The following LRRC4C variants were observed in gnomAD, a reference collection of about 807,000 sequenced individuals.
The protein encoded by LRRC4C is leucine-rich repeat-containing protein 4C.
A neutral mutation model predicts 33.6 loss-of-function variants in LRRC4C; 5 were observed. The observed-to-expected ratio is 0.15, with a 90% CI of 0.08 to 0.31. The LOEUF is 0.31. LRRC4C is among the 10% of genes least tolerant of loss of function. The pLI is 1.00. For missense variants in LRRC4C, 560 were observed against 796.7 expected (o/e 0.70, Z 3.58); for synonymous variants, 329 against 302.0 (o/e 1.09, Z -0.93).
chr11:41,420,874 C>T (rs1179642675), intron 1 of LRRC4C, among the ~76,000 whole-genome samples: 1 of 151,978 alleles, frequency 6.6e-6, no homozygotes, highest in African/African-American at 2.4e-5. Context: ...AATAAATATT[C>T]ACCTTTTTGT....
Position 41,279,980 on chromosome 11 carries a change from T to A in LRRC4C, c.-496+179451A>T, listed in dbSNP as rs147989321. On this transcript the variant is annotated intron_variant, in intron 1 of 6. Transcript: ENST00000528697. ...TTTTCCTGATCTCTCAGTTCAAGGTTGGTTCCTCTGTTTAATGGTGTCGTA... is the reference window on the plus strand; with the variant it reads ...TTTTCCTGATCTCTCAGTTCAAGGTAGGTTCCTCTGTTTAATGGTGTCGTA... Among the ~76,000 whole-genome samples the A allele has an allele frequency of 2.0e-5, 3 of 152,248 alleles. No individual in the cohort carries two copies. In the East Asian group the frequency reaches 5.8e-4, roughly 29 times the overall value.
At chr11:40,883,295 C>T (rs563716408) in intron 2 of LRRC4C, among the ~76,000 whole-genome samples, 5 of 151,984 alleles carry the variant, frequency 3.3e-5, no homozygotes, top group Non-Finnish European at 5.9e-5. Context: ...TGCCTGCCCC[C>T]CTATAGTCAA....
chr11:40,271,763 C>T (rs1942719120), intron 4 of LRRC4C, among the ~76,000 whole-genome samples: 1 of 152,172 alleles, frequency 6.6e-6, no homozygotes, highest in African/African-American at 2.4e-5. Flanking sequence ...CAGGGAAGAA[C>T]TCTTGTGTGG....
At chr11:40,785,697 A>G (rs951293698) in intron 2 of LRRC4C, among the ~76,000 whole-genome samples, 5 of 152,178 alleles carry the variant, frequency 3.3e-5, no homozygotes, top group Non-Finnish European at 7.3e-5. Flanking sequence ...CACAAAAACA[A>G]TACACTTTTA....
chr11:40,399,514 C>T (rs1949676953), intron 3 of LRRC4C, among the ~76,000 whole-genome samples: 4 of 151,574 alleles, frequency 2.6e-5, no homozygotes, highest in Non-Finnish European at 1.5e-5. Context: ...AGGGGAACAT[C>T]ACACTCCGGG....
intron 1 of LRRC4C, among the ~76,000 whole-genome samples, chr11:41,001,614 A>T (rs1473365244): frequency 8.4e-5 from 2 of 23,902 alleles, no homozygotes; most frequent in Non-Finnish European, 1.8e-4. Flanking sequence ...TACATAATTA[A>T]AAAAAAAAAT....
chr11:40,523,186 G>A (rs1230562527), intron 3 of LRRC4C, among the ~76,000 whole-genome samples: 1 of 151,988 alleles, frequency 6.6e-6, no homozygotes, highest in Non-Finnish European at 1.5e-5. Flanking sequence ...CAAATTTCTC[G>A]ACATCCTCAC....
intron 1 of LRRC4C, among the ~76,000 whole-genome samples, chr11:41,106,608 G>A (rs1432897448): frequency 6.6e-6 from 1 of 152,106 alleles, no homozygotes; most frequent in Non-Finnish European, 1.5e-5. Flanking sequence ...TACTGCTTAT[G>A]CTTTCAGTAG....
In LRRC4C at chr11:40,165,242, G is replaced by A. The variant is rs77073498; in HGVS notation, c.-95-24389C>T. 1.7e-3 allele frequency among the ~76,000 whole-genome samples: 253 copies of A among 152,120 alleles called. 1 individual carries two copies. Among genetic ancestry groups the A allele is most frequent in the African/African-American group, 5.8e-3 (239 of 41,512 alleles). Reference sequence around the variant, plus strand: ...TATACACATATATGTATATATATTCGCATGTCTGTATCTATATGTATCCGT... The same window carrying A: ...TATACACATATATGTATATATATTCACATGTCTGTATCTATATGTATCCGT... On this transcript the variant is annotated intron_variant, in intron 5 of 6. Coordinates refer to ENST00000528697, the MANE Select transcript of LRRC4C (RefSeq NM_001258419.2).
rs1242047953 is a variant in LRRC4C at position 41,117,547 on chromosome 11, A to T, written c.-495-183824T>A. ...GTGGAAAAGAGCATTGTTTTGTAAG[A>T]GTGGTGGAATTAAGCATTGATGTCA... On this transcript the variant is annotated intron_variant, in intron 1 of 6. Coordinates refer to ENST00000528697, the MANE Select transcript of LRRC4C (RefSeq NM_001258419.2). 2.0e-5 allele frequency among the ~76,000 whole-genome samples: 3 copies of T among 152,244 alleles called. No homozygotes were observed. The East Asian group carries it at 5.8e-4, about 29-fold the overall frequency.
intron 3 of LRRC4C, among the ~76,000 whole-genome samples, chr11:40,358,420 G>A (rs1947781949): frequency 6.6e-6 from 1 of 151,918 alleles, no homozygotes; most frequent in African/African-American, 2.4e-5. Context: ...AGCTGGGACT[G>A]CAGGTGCATA....
At chr11:40,302,672 T>G (rs1944831680) in intron 4 of LRRC4C, among the ~76,000 whole-genome samples, 2 of 152,244 alleles carry the variant, frequency 1.3e-5, no homozygotes, top group Admixed American at 1.3e-4. Flanking sequence ...CATTTATGTA[T>G]TGAACGAGCA....
intron 5 of LRRC4C, among the ~76,000 whole-genome samples, chr11:40,174,544 G>A (rs990356722): frequency 1.9e-4 from 29 of 152,252 alleles, no homozygotes; most frequent in Middle Eastern, 6.8e-3. Context: ...TACCGTGTGT[G>A]CACCTGTGCA....
intron 5 of LRRC4C, among the ~76,000 whole-genome samples, chr11:40,159,353 G>A (rs1245438349): frequency 3.9e-5 from 6 of 152,118 alleles, no homozygotes; most frequent in African/African-American, 1.2e-4. Flanking sequence ...TACTCAAAGC[G>A]AACTCTCAGC....
rs547339939 is a variant in LRRC4C, at chr11:40,367,853, C to A, written c.-269-48132G>T. 7.2e-5 allele frequency among the ~76,000 whole-genome samples: 11 copies of A among 152,230 alleles called. 1 individual carries two copies. In the South Asian group the frequency reaches 2.3e-3, roughly 32 times the overall value. On this transcript the variant is annotated intron_variant, in intron 3 of 6. Transcript: ENST00000528697. The stretch of plus-strand genomic sequence containing the variant: ...TGTATTTGGTTATTATCTGATCCCT[C>A]ATATGAGGCTATAAGCTTTCTAAAG...
intron 1 of LRRC4C, among the ~76,000 whole-genome samples, chr11:41,266,414 A>T (rs763324706): frequency 6.6e-6 from 1 of 152,236 alleles, no homozygotes; most frequent in African/African-American, 2.4e-5. Context: ...GCTAAAGGTA[A>T]ACCCAACAGA....
chr11:41,432,422 G>A (rs1430067146), intron 1 of LRRC4C, among the ~76,000 whole-genome samples: 2 of 152,152 alleles, frequency 1.3e-5, no homozygotes, highest in Non-Finnish European at 2.9e-5. Flanking sequence ...AAATCTAGGT[G>A]AGGAGGATTA....
At chr11:40,126,464 A>T (rs1050203699) in intron 6 of LRRC4C, among the ~76,000 whole-genome samples, 4 of 152,198 alleles carry the variant, frequency 2.6e-5, no homozygotes, top group Non-Finnish European at 4.4e-5. Flanking sequence ...TATAATAAGG[A>T]TTGTAAGAGA....
At chr11:40,244,408 C>G (rs1866167047) in intron 4 of LRRC4C, among the ~76,000 whole-genome samples, 1 of 152,070 alleles carries the variant, frequency 6.6e-6, no homozygotes, top group African/African-American at 2.4e-5. Flanking sequence ...AAATAAGGTC[C>G]CTTTCCTGAA....
Sources: gnomAD v4.1 joint callset for allele counts (sites outside exome capture counted in the v4.1 genomes callset) on GRCh38, gnomAD v4.1.1 for gene constraint, MANE v1.5 for transcripts, NCBI Gene and HGNC (gene_info 2026-07-23, HGNC 2026-07-21) for gene names.